Variants in DGCR2 observed in about 807,000 individuals in gnomAD.
DGCR2 encodes the protein DiGeorge syndrome critical region gene 2.
In DGCR2, 24 loss-of-function variants were observed where a neutral mutation model predicts 51.6. That is an observed-to-expected ratio of 0.47 (90% confidence interval 0.34 to 0.65). The LOEUF is 0.65. Ranked by LOEUF, DGCR2 falls within the 30% of genes least tolerant of loss-of-function variation. DGCR2 has a pLI of 0.01. For missense variants in DGCR2, 765 were observed against 772.1 expected (o/e 0.99, Z 0.11); for synonymous variants, 340 against 315.4 (o/e 1.08, Z -0.82).
chr22:19,045,106 A>G (rs1423992582), intron 7 of DGCR2: 1 of 152,200 alleles, frequency 6.6e-6, no homozygotes, highest in Non-Finnish European at 1.5e-5. Flanking sequence ...AGTTGTGTCT[A>G]TGACCATTTT....
At chr22:19,082,063 T>TC (rs2082943370) in intron 2 of DGCR2, among the ~76,000 whole-genome samples, 1 of 119,494 alleles carries the variant, frequency 8.4e-6, no homozygotes, top group Admixed American at 8.6e-5. Flanking sequence ...GGGTTTTTTT[T>TC]GTTTTTTTTT....
chr22:19,043,643 G>A (rs1019878943), intron 7 of DGCR2, among the ~76,000 whole-genome samples: 9 of 152,110 alleles, frequency 5.9e-5, no homozygotes, highest in African/African-American at 2.2e-4. Context: ...CACACCAGCA[G>A]GGACCCTGCT....
chr22:19,051,470 T>C (rs1322889275), intron 6 of DGCR2, among the ~76,000 whole-genome samples: 2 of 152,148 alleles, frequency 1.3e-5, no homozygotes, highest in Non-Finnish European at 2.9e-5. Flanking sequence ...AGATCATTAG[T>C]TCACACCTGT....
chr22:19,062,775 G>GTCTCTCT (rs2082685543), intron 5 of DGCR2, among the ~76,000 whole-genome samples: 1 of 108,860 alleles, frequency 9.2e-6, no homozygotes. Flanking sequence ...ACACATGCAT[G>GTCTCTCT]CTCACTCTCT....
chr22:19,119,650 C>T (rs1398967765), intron 1 of DGCR2, among the ~76,000 whole-genome samples: 1 of 150,116 alleles, frequency 6.7e-6, no homozygotes, highest in East Asian at 2.0e-4. Context: ...GCAGGAGAAT[C>T]GCTTGAACCA....
chr22:19,056,896 G>T (rs942982278), intron 6 of DGCR2, 90 bp downstream of exon 6: 87 of 1,401,538 alleles, frequency 6.2e-5, no homozygotes, highest in Non-Finnish European at 8.0e-5. Flanking sequence ...TGCAAATCAG[G>T]TTCTGCCTCC....
intron 1 of DGCR2, among the ~76,000 whole-genome samples, chr22:19,117,021 G>A (rs185112952): frequency 2.0e-5 from 3 of 151,868 alleles, no homozygotes; most frequent in Non-Finnish European, 4.4e-5. Context: ...CTCCCACCAT[G>A]GCTAAGAGGA....
At chr22:19,099,052 T>C (rs1400464898) in intron 1 of DGCR2, among the ~76,000 whole-genome samples, 3 of 152,192 alleles carry the variant, frequency 2.0e-5, no homozygotes, top group East Asian at 1.9e-4. Context: ...GGAAGGTTTT[T>C]CTCCCTTCTT....
chr22:19,071,247 G>C (rs1433217315), intron 2 of DGCR2, among the ~76,000 whole-genome samples: 1 of 152,218 alleles, frequency 6.6e-6, no homozygotes, highest in Non-Finnish European at 1.5e-5. Flanking sequence ...AGAGTGCCAC[G>C]CTGCTGCTTC....
At chr22:19,062,640 G>A (rs1850901285) in intron 5 of DGCR2, among the ~76,000 whole-genome samples, 1 of 152,046 alleles carries the variant, frequency 6.6e-6, no homozygotes. Context: ...CCAGTGCCAG[G>A]GCAATGGGAC....
chr22:19,093,031 GA>G (rs2083097243), intron 1 of DGCR2, among the ~76,000 whole-genome samples: 2 of 152,062 alleles, frequency 1.3e-5, no homozygotes, highest in African/African-American at 4.8e-5. Context: ...GAGGAACAAA[GA>G]ACAACTACTT....
intron 9 of DGCR2, 149 bp from the exon 10 acceptor site, chr22:19,039,270 C>T (rs1601494435): frequency 2.0e-6 from 2 of 977,134 alleles, no homozygotes; most frequent in Non-Finnish European, 1.5e-6. Context: ...CTCCCCCGGG[C>T]CTCAGATTTT....
At chr22:19,090,323 G>A (rs544362648) in intron 1 of DGCR2, among the ~76,000 whole-genome samples, 2 of 152,208 alleles carry the variant, frequency 1.3e-5, no homozygotes, top group South Asian at 4.2e-4. Flanking sequence ...CACAAATCCA[G>A]GTAGCTCAAT....
intron 1 of DGCR2, chr22:19,121,927 C>G (rs909072145): frequency 2.1e-5 from 6 of 286,096 alleles, no homozygotes; most frequent in Non-Finnish European, 3.2e-5. Context: ...CAGAGCTGCA[C>G]GAAGTCCGAG....
intron 8 of DGCR2, chr22:19,041,585 C>A: frequency 1.6e-6 from 1 of 618,928 alleles, no homozygotes; most frequent in Non-Finnish European, 2.8e-6. Context: ...GGCCTCTGAC[C>A]CTCAGAGGCC....
At chr22:19,094,807 A>G (rs1020187891) in intron 1 of DGCR2, among the ~76,000 whole-genome samples, 2 of 152,230 alleles carry the variant, frequency 1.3e-5, no homozygotes, top group Non-Finnish European at 2.9e-5. Context: ...ATAAAAAGGA[A>G]TAAGCTATTA....
chr22:19,039,098 C>G lies in DGCR2; in HGVS notation c.1420G>C (p.Glu474Gln). 1 of 1,613,176 alleles carries G rather than the reference C, an allele frequency of 6.2e-7. No individual in the cohort carries two copies. The highest frequency in any genetic ancestry group is 1.1e-5 in the South Asian group (1 of 91,080). Residue 474 changes from glutamate to glutamine, a missense_variant, in exon 10 of 10, where the codon GAG becomes CAG. Glu to Gln is a conservative substitution (Grantham distance 29). Coordinates refer to ENST00000263196, the MANE Select transcript of DGCR2 (RefSeq NM_005137.3). ...TCCCCAGGGGCTGGCAGGCTGACCT[C>G]CACAGGCTCAAAAGCATCATCGTCT... is the stretch of plus-strand genomic sequence containing the variant. ...PADDDAFEPVEVSLPAPGDGG... is the reference protein window; with the variant it reads ...PADDDAFEPVQVSLPAPGDGG...
chr22:19,056,906 C>T (rs1041290242), intron 6 of DGCR2, 80 bp downstream of exon 6: 69 of 1,446,622 alleles, frequency 4.8e-5, no homozygotes, highest in Non-Finnish European at 5.7e-5. Flanking sequence ...GTTCTGCCTC[C>T]GAAACCTTGA....
At chr22:19,111,588 C>T (rs1032949609) in intron 1 of DGCR2, among the ~76,000 whole-genome samples, 2 of 152,178 alleles carry the variant, frequency 1.3e-5, no homozygotes, top group Non-Finnish European at 2.9e-5. Context: ...GATCACCCCT[C>T]CACAATGAGT....
Sources: gnomAD v4.1 joint callset for allele counts (sites outside exome capture counted in the v4.1 genomes callset) on GRCh38, gnomAD v4.1.1 for gene constraint, MANE v1.5 for transcripts, NCBI Gene and HGNC (gene_info 2026-07-23, HGNC 2026-07-21) for gene names.